The following PCDH15 variants were observed in gnomAD, a reference collection of about 807,000 sequenced individuals.
PCDH15 encodes protocadherin-15.
PCDH15 carries 129 observed loss-of-function variants against 178.5 expected under a neutral mutation model. The observed-to-expected ratio is 0.72, with a 90% CI of 0.63 to 0.84. PCDH15 has a LOEUF of 0.84. PCDH15 is among the 40% of genes least tolerant of loss of function. The pLI, the probability that PCDH15 is intolerant of heterozygous loss-of-function variation, is 0.00. For missense variants in PCDH15, 2,230 were observed against 2,099.9 expected (o/e 1.06, Z -1.21); for synonymous variants, 800 against 732.0 (o/e 1.09, Z -1.50).
At chr10:55,565,172 G>A (rs2132103333) in intron 2 of PCDH15, among the ~76,000 whole-genome samples, 1 of 151,516 alleles carries the variant, frequency 6.6e-6, no homozygotes, top group East Asian at 1.9e-4. Context: ...ACAAAATTAA[G>A]TTAGAAATTA....
intron 2 of PCDH15, among the ~76,000 whole-genome samples, chr10:54,610,611 A>G (rs564764517): frequency 2.0e-5 from 3 of 152,066 alleles, no homozygotes; most frequent in East Asian, 1.9e-4. Context: ...CCTGCTTTCT[A>G]TGAATATTCT....
At chr10:54,085,868 T>C (rs2094506682) in intron 16 of PCDH15, among the ~76,000 whole-genome samples, 1 of 152,188 alleles carries the variant, frequency 6.6e-6, no homozygotes, top group Non-Finnish European at 1.5e-5. Context: ...AGTAATGGTA[T>C]TATAATGATG....
At chr10:54,714,433 G>A (rs1444349794) in intron 1 of PCDH15, among the ~76,000 whole-genome samples, 1 of 152,120 alleles carries the variant, frequency 6.6e-6, no homozygotes, top group African/African-American at 2.4e-5. Flanking sequence ...AAACACATAT[G>A]TACAGTTTAA....
chr10:53,807,566 T>G (rs901908492), intron 37 of PCDH15, among the ~76,000 whole-genome samples: 1 of 152,210 alleles, frequency 6.6e-6, no homozygotes, highest in African/African-American at 2.4e-5. Context: ...AAAATATTTT[T>G]AAACCACATC....
intron 2 of PCDH15, among the ~76,000 whole-genome samples, chr10:55,467,985 A>AAAAAAAAAAAAAAAAAAAAAAAAAAAAAT (rs1333166165): frequency 6.8e-6 from 1 of 148,050 alleles, no homozygotes; most frequent in Non-Finnish European, 1.5e-5. Flanking sequence ...AAAAAAAAAA[A>AAAAAAAAAAAAAAAAAAAAAAAAAAAAAT]AAAAAAGAAT....
At chr10:55,002,982 G>A (rs575526000) in intron 2 of PCDH15, among the ~76,000 whole-genome samples, 1 of 152,086 alleles carries the variant, frequency 6.6e-6, no homozygotes, top group East Asian at 1.9e-4. Flanking sequence ...AATGTGAGGT[G>A]GTTTTAATTT....
intron 3 of PCDH15, among the ~76,000 whole-genome samples, chr10:54,520,260 A>G (rs2082703190): frequency 6.6e-6 from 1 of 152,194 alleles, no homozygotes; most frequent in Non-Finnish European, 1.5e-5. Flanking sequence ...AGAAACTACC[A>G]TCAGAGTGAC....
intron 20 of PCDH15, among the ~76,000 whole-genome samples, chr10:54,019,878 C>T (rs143802444): frequency 6.6e-6 from 1 of 151,954 alleles, no homozygotes; most frequent in African/African-American, 2.4e-5. Context: ...ATGCCTGATG[C>T]TGTGGAATTT....
chr10:54,495,730 T>A (rs1054021079), intron 3 of PCDH15, among the ~76,000 whole-genome samples: 1 of 152,136 alleles, frequency 6.6e-6, no homozygotes, highest in Admixed American at 6.6e-5. Context: ...ATCCATGCAA[T>A]ATTTACTGGA....
intron 8 of PCDH15, among the ~76,000 whole-genome samples, chr10:54,265,408 T>A (rs1591492659): frequency 6.6e-6 from 1 of 151,248 alleles, no homozygotes; most frequent in African/African-American, 2.4e-5. Context: ...AGGAACAAAA[T>A]CTCACATATA....
chr10:54,468,637 G>A (rs980879158), intron 3 of PCDH15, among the ~76,000 whole-genome samples: 1 of 152,128 alleles, frequency 6.6e-6, no homozygotes, highest in Non-Finnish European at 1.5e-5. Flanking sequence ...TGGATGAAAT[G>A]TTAGGTAAAA....
chr10:53,807,447 C>G (rs1841265241), intron 37 of PCDH15, among the ~76,000 whole-genome samples: 1 of 152,068 alleles, frequency 6.6e-6, no homozygotes, highest in Non-Finnish European at 1.5e-5. Context: ...ATTTAAGGAG[C>G]TGATCCACTA....
intron 2 of PCDH15, among the ~76,000 whole-genome samples, chr10:55,376,499 A>T (rs905616475): frequency 2.0e-5 from 3 of 152,064 alleles, no homozygotes; most frequent in Admixed American, 2.0e-4. Context: ...AGAAGTATTT[A>T]TCTGGCTTTT....
chr10:55,185,706 A>T (rs1041372566), intron 1 of PCDH15, among the ~76,000 whole-genome samples: 1 of 151,770 alleles, frequency 6.6e-6, no homozygotes, highest in African/African-American at 2.4e-5. Context: ...ATGCATGAAC[A>T]GAACACCTTG....
intron 1 of PCDH15, among the ~76,000 whole-genome samples, chr10:55,180,984 C>T (rs2132134349): frequency 6.6e-6 from 1 of 151,942 alleles, no homozygotes; most frequent in African/African-American, 2.4e-5. Context: ...TGGCTTTGAA[C>T]AGATTATTCC....
chr10:54,918,170 C>T (rs533417654), intron 2 of PCDH15, among the ~76,000 whole-genome samples: 5 of 151,984 alleles, frequency 3.3e-5, no homozygotes, highest in African/African-American at 4.8e-5. Flanking sequence ...TATGACCATA[C>T]GCTTCTATTA....
rs140402953 is a variant in PCDH15 at position 54,737,492 on chromosome 10, A to G, written c.-29+63433T>C. ...CTTACAGAAAAGGTAATGAGTTAGT[A>G]AATTCCAAATGTATGAAATTGAAAA... is the stretch of plus-strand genomic sequence containing the variant. On this transcript the variant is annotated intron_variant, in intron 1 of 37. Coordinates refer to ENST00000644397, the MANE Select transcript of PCDH15 (RefSeq NM_001384140.1). Among the ~76,000 whole-genome samples, 11 of 152,252 alleles carry G rather than the reference A, an allele frequency of 7.2e-5. No individual in the cohort carries two copies. In the East Asian group the frequency reaches 2.1e-3, roughly 30 times the overall value.
intron 1 of PCDH15, among the ~76,000 whole-genome samples, chr10:55,187,634 A>T (rs1839833255): frequency 6.6e-6 from 1 of 152,030 alleles, no homozygotes; most frequent in Non-Finnish European, 1.5e-5. Flanking sequence ...TTTATGATTC[A>T]GCAAATTACA....
chr10:55,081,788 A>C (rs1842047265), intron 2 of PCDH15, among the ~76,000 whole-genome samples: 1 of 152,166 alleles, frequency 6.6e-6, no homozygotes, highest in Admixed American at 6.6e-5. Context: ...TAAGCTACTT[A>C]ATTTATGGTA....
Sources: gnomAD v4.1 joint callset for allele counts (sites outside exome capture counted in the v4.1 genomes callset) on GRCh38, gnomAD v4.1.1 for gene constraint, MANE v1.5 for transcripts, NCBI Gene and HGNC (gene_info 2026-07-23, HGNC 2026-07-21) for gene names.